Variants in VPS45 observed in about 807,000 individuals in gnomAD.
The protein encoded by VPS45 is vacuolar protein sorting-associated protein 45.
In VPS45, 35 loss-of-function variants were observed where a neutral mutation model predicts 75.9. The observed-to-expected ratio is 0.46, with a 90% CI of 0.35 to 0.61. The LOEUF is 0.61. Ranked by LOEUF, VPS45 falls within the 20% of genes least tolerant of loss-of-function variation. The pLI is 0.00. For missense variants in VPS45, 559 were observed against 685.9 expected, an observed-to-expected ratio of 0.81 and a Z score of 2.07; for synonymous variants, 220 against 238.2, an observed-to-expected ratio of 0.92 and a Z score of 0.70.
At chr1:150,088,452 T>C (rs1553801230) in intron 10 of VPS45, among the ~76,000 whole-genome samples, 1 of 136,348 alleles carries the variant, frequency 7.3e-6, no homozygotes, top group Non-Finnish European at 1.5e-5. Flanking sequence ...TATATATATA[T>C]ATATGCTGCT....
chr1:150,082,147 T>C, intron 9 of VPS45, 150 bp downstream of exon 9: 1 of 593,382 alleles, frequency 1.7e-6, no homozygotes, highest in Non-Finnish European at 3.0e-6. Context: ...TTAAACAATA[T>C]AGTGAAAACT....
In VPS45 at chr1:150,081,469, A is replaced by C. The variant is rs782102026; in HGVS notation, c.815A>C (p.Tyr272Ser). The C allele has an allele frequency of 6.3e-7, 1 of 1,599,390 alleles. No individual in the cohort carries two copies. ...VVLSAENDEFYANNMYLNFAE... is the reference protein window; with the variant it reads ...VVLSAENDEFSANNMYLNFAE... Reference sequence around the variant, plus strand: ...CTATCTGCTGAAAATGATGAATTCTATGCTAATGTAGGTGGTTTAAATTTT... The same window carrying C: ...CTATCTGCTGAAAATGATGAATTCTCTGCTAATGTAGGTGGTTTAAATTTT... The change falls in exon 8 of 15, where the codon TAT (tyrosine) becomes TCT (serine). Residue 272 changes from tyrosine (Y) to serine (S), a missense_variant. Transcript: ENST00000644510.
chr1:150,070,713 G>A (rs1553796875), intron 2 of VPS45, among the ~76,000 whole-genome samples: 2 of 151,728 alleles, frequency 1.3e-5, no homozygotes, highest in African/African-American at 2.4e-5. Context: ...GGAGGCTGAG[G>A]CAGGAGAATC....
intron 14 of VPS45, among the ~76,000 whole-genome samples, chr1:150,120,681 G>A (rs782142497): frequency 1.3e-5 from 2 of 152,102 alleles, no homozygotes; most frequent in Non-Finnish European, 2.9e-5. Context: ...TTGTAATGAA[G>A]CAGAGTTCTA....
chr1:150,124,546 T>TA (rs1658402971), intron 14 of VPS45, among the ~76,000 whole-genome samples: 1 of 104 alleles, frequency 9.6e-3, no homozygotes, highest in African/African-American at 0.033. Flanking sequence ...GCTTTTTTTC[T>TA]TTTTTCTTTT....
rs142447569 is a variant in VPS45, at chr1:150,106,555, C to A, written c.1494-3941C>A. On this transcript the variant is annotated intron_variant, in intron 13 of 14. Coordinates refer to ENST00000644510, the MANE Select transcript of VPS45 (RefSeq NM_007259.5). ...ACGCTAGTCAGAAAGTCAGATGCCA[C>A]CACTCTGGTTTTACCTTCCTACCGG... 7.2e-5 allele frequency among the ~76,000 whole-genome samples: 11 copies of A among 152,244 alleles called. No homozygotes were observed. In the East Asian group the frequency reaches 2.1e-3, roughly 29 times the overall value.
At chr1:150,143,698 G>T (rs1659529539) in intron 14 of VPS45, among the ~76,000 whole-genome samples, 1 of 152,184 alleles carries the variant, frequency 6.6e-6, no homozygotes, top group African/African-American at 2.4e-5. Flanking sequence ...ACAGTGAGTA[G>T]TTGGGCATGG....
intron 10 of VPS45, among the ~76,000 whole-genome samples, chr1:150,088,434 A>AATAAAT (rs1400963423): frequency 5.6e-5 from 7 of 125,540 alleles, no homozygotes; most frequent in African/African-American, 2.3e-4. Flanking sequence ...CTGAATAATA[A>AATAAAT]ATATATATAT....
intron 13 of VPS45, among the ~76,000 whole-genome samples, chr1:150,097,352 G>A (rs1407016626): frequency 5.3e-5 from 8 of 151,524 alleles, no homozygotes; most frequent in Non-Finnish European, 1.0e-4. Flanking sequence ...TGATCCGCCC[G>A]CCTCGGCCTC....
intron 14 of VPS45, among the ~76,000 whole-genome samples, chr1:150,135,638 C>G (rs184798371): frequency 6.6e-6 from 1 of 151,538 alleles, no homozygotes; most frequent in Non-Finnish European, 1.5e-5. Flanking sequence ...CTGGACTACA[C>G]CCTTAGGACT....
intron 14 of VPS45, among the ~76,000 whole-genome samples, chr1:150,137,960 C>T (rs76455309): frequency 0.022 from 3,211 of 146,132 alleles, 96 homozygotes; most frequent in African/African-American, 0.075. Flanking sequence ...CTGCTATGTT[C>T]TGCATCTTTA....
intron 13 of VPS45, chr1:150,098,764 T>C: frequency 1.3e-6 from 1 of 793,470 alleles, no homozygotes; most frequent in Non-Finnish European, 1.7e-6. Flanking sequence ...GCAGTATAGC[T>C]ATATCCACAA....
intron 14 of VPS45, among the ~76,000 whole-genome samples, chr1:150,137,418 C>G (rs1464651372): frequency 1.3e-5 from 2 of 152,072 alleles, no homozygotes; most frequent in African/African-American, 4.8e-5. Flanking sequence ...TAAGACAAAC[C>G]ATTAGAAGAG....
At position 150,136,771 on chromosome 1, in the gene VPS45, T is replaced by TGA. The variant is rs1553813827; in HGVS notation, c.1626-7938_1626-7937insGA. 4.2e-4 allele frequency among the ~76,000 whole-genome samples: 51 copies of TGA among 121,768 alleles called. 2 individuals are homozygous for TGA. The Middle Eastern group carries it at 0.021, about 50-fold the overall frequency. The allele number at this position is 121,768 out of a possible 152,430, so 79.9% of individuals were successfully genotyped here. ...CATGATTAAGGACAGGAGCAAGATT[T>TGA]AAAAAAAAAAAAAAAAAAAGGTGTA... On this transcript the variant is annotated intron_variant, in intron 14 of 14. Transcript: ENST00000644510.
chr1:150,085,773 A>T (rs1553800532), intron 10 of VPS45, among the ~76,000 whole-genome samples: 1 of 152,138 alleles, frequency 6.6e-6, no homozygotes, highest in Non-Finnish European at 1.5e-5. Flanking sequence ...TAACTTAAAA[A>T]TTGCTGCCAT....
chr1:150,074,955 CTTTTT>C (rs782039324), intron 3 of VPS45, among the ~76,000 whole-genome samples: 2 of 81,108 alleles, frequency 2.5e-5, no homozygotes, highest in Non-Finnish European at 4.2e-5. Context: ...ATTATTTATT[CTTTTT>C]TTTTTTTTTT....
At chr1:150,101,627 G>A (rs1189318661) in intron 13 of VPS45, among the ~76,000 whole-genome samples, 2 of 151,902 alleles carry the variant, frequency 1.3e-5, no homozygotes, top group Admixed American at 6.6e-5. Context: ...TCAGCTACTC[G>A]GGAGGCAGAG....
chr1:150,121,275 T>A (rs1658217526), intron 14 of VPS45, among the ~76,000 whole-genome samples: 2 of 152,242 alleles, frequency 1.3e-5, no homozygotes, highest in Non-Finnish European at 1.5e-5. Context: ...CTTTTTCATT[T>A]CATATATAAT....
chr1:150,114,467 C>CAAAAAA (rs1281790882), intron 14 of VPS45, among the ~76,000 whole-genome samples: 1 of 122,722 alleles, frequency 8.1e-6, no homozygotes. Context: ...AACACCATCT[C>CAAAAAA]AAAAAAAAAA....
Sources: gnomAD v4.1 joint callset for allele counts (sites outside exome capture counted in the v4.1 genomes callset) on GRCh38, gnomAD v4.1.1 for gene constraint, MANE v1.5 for transcripts, NCBI Gene and HGNC (gene_info 2026-07-23, HGNC 2026-07-21) for gene names.